Variants in UBE2D1 observed in about 807,000 individuals in gnomAD.
UBE2D1 encodes the protein ubiquitin-conjugating enzyme E2 D1.
In UBE2D1, 9 loss-of-function variants were observed where a neutral mutation model predicts 24.6. The ratio of observed to expected loss-of-function variants is 0.37; its 90% CI spans 0.22 to 0.64. The LOEUF (loss-of-function observed/expected upper bound fraction) is 0.64. Ranked by LOEUF, UBE2D1 falls within the 30% of genes least tolerant of loss-of-function variation. The pLI is 0.64. For missense variants in UBE2D1, 87 were observed against 177.1 expected, an observed-to-expected ratio of 0.49 and a Z score of 2.89; for synonymous variants, 57 against 57.6, an observed-to-expected ratio of 0.99 and a Z score of 0.04.
chr10:58,352,503 CT>C (rs1231864031), intron 1 of UBE2D1, among the ~76,000 whole-genome samples: 2 of 149,356 alleles, frequency 1.3e-5, no homozygotes, highest in Non-Finnish European at 3.0e-5. Flanking sequence ...ATCCCAACCA[CT>C]TGGGGAGGGT....
intron 1 of UBE2D1, among the ~76,000 whole-genome samples, chr10:58,355,892 C>G (rs963251090): frequency 2.6e-5 from 4 of 152,048 alleles, no homozygotes; most frequent in Non-Finnish European, 4.4e-5. Context: ...GTTACAAGAT[C>G]CAATCTGGGA....
intron 5 of UBE2D1, among the ~76,000 whole-genome samples, chr10:58,366,471 C>T (rs1291608143): frequency 2.0e-5 from 3 of 152,106 alleles, no homozygotes; most frequent in African/African-American, 7.2e-5. Flanking sequence ...GCAAATGGCT[C>T]CTGGCAGTAG....
intron 3 of UBE2D1, 77 bp from the exon 4 acceptor site, chr10:58,363,532 A>G (rs1337355640): frequency 9.7e-7 from 1 of 1,027,626 alleles, no homozygotes; most frequent in African/African-American, 1.7e-5. Flanking sequence ...CAAACTGATA[A>G]TATTTGGGGG....
At chr10:58,361,471 C>G (rs1840197614) in intron 2 of UBE2D1, 24 bp from the exon 3 acceptor site, 1 of 1,614,000 alleles carries the variant, frequency 6.2e-7, no homozygotes, top group South Asian at 1.1e-5. Context: ...GTTAATGACT[C>G]CAAAACTCCT....
At position 58,368,843 on chromosome 10, in the gene UBE2D1, T is replaced by A. The variant is rs1046997984; in HGVS notation, c.*78T>A. 1.1e-6 allele frequency: 1 copy of A among 917,932 alleles called. No homozygotes were observed. Among genetic ancestry groups the A allele is most frequent in the East Asian group, 2.7e-5 (1 of 36,558 alleles). 56.9% of individuals were successfully genotyped at this position (917,932 alleles called of 1,614,324 possible). ...TCAACATTAGCAGTAAATTGAGCAC[T>A]GTTTACTGTTTCATTGTACCATGAA... On this transcript the variant is annotated 3_prime_UTR_variant, in exon 7 of 7. Coordinates refer to ENST00000373910, the MANE Select transcript of UBE2D1 (RefSeq NM_003338.5).
chr10:58,354,610 G>A (rs1324558169), intron 1 of UBE2D1, among the ~76,000 whole-genome samples: 1 of 152,054 alleles, frequency 6.6e-6, no homozygotes, highest in Admixed American at 6.6e-5. Context: ...CAGCACTTTG[G>A]GAAGCTGAGG....
At chr10:58,359,013 T>TG (rs1554830256) in intron 1 of UBE2D1, among the ~76,000 whole-genome samples, 1 of 115,168 alleles carries the variant, frequency 8.7e-6, no homozygotes, top group African/African-American at 3.4e-5. Context: ...ACCAGCTATT[T>TG]AAAAAAAAAA....
At chr10:58,360,036 A>T (rs560440267) in intron 1 of UBE2D1, among the ~76,000 whole-genome samples, 2 of 152,110 alleles carry the variant, frequency 1.3e-5, no homozygotes, top group Non-Finnish European at 2.9e-5. Flanking sequence ...AAATCAGAAC[A>T]TGCCACTTCT....
Position 58,361,350 on chromosome 10 carries a change from C to T in UBE2D1, c.37C>T (p.Leu13=), listed in dbSNP as rs1278461257. 1.9e-6 allele frequency: 3 copies of T among 1,614,162 alleles called. No homozygotes were observed. Among genetic ancestry groups the T allele is most frequent in the Admixed American group, 1.7e-5 (1 of 60,018 alleles). The change falls in exon 2 of 7, where the codon CTA becomes TTA. Residue 13 remains leucine (L), a synonymous_variant. Transcript: ENST00000373910. ...TGATTTCCTTCAGGAATTGAGTGATCTACAGCGCGATCCACCTGCTCACTG... is the reference window on the plus strand; with the variant it reads ...TGATTTCCTTCAGGAATTGAGTGATTTACAGCGCGATCCACCTGCTCACTG... ...LKRIQKELSD[L]QRDPPAHCSA...
At chr10:58,352,913 T>G (rs1840092705) in intron 1 of UBE2D1, among the ~76,000 whole-genome samples, 1 of 152,188 alleles carries the variant, frequency 6.6e-6, no homozygotes, top group African/African-American at 2.4e-5. Context: ...CTTTCCAGGG[T>G]TCCCTGCAGT....
At chr10:58,348,969 C>T (rs1564559110) in intron 1 of UBE2D1, among the ~76,000 whole-genome samples, 2 of 152,142 alleles carry the variant, frequency 1.3e-5, no homozygotes, top group African/African-American at 4.8e-5. Context: ...GGAGAACACT[C>T]AGCATATTGT....
Position 58,335,180 on chromosome 10 carries a change from TC to T in UBE2D1, c.-18del. On this transcript the variant is annotated 5_prime_UTR_variant, in exon 1 of 7. Coordinates refer to ENST00000373910, the MANE Select transcript of UBE2D1 (RefSeq NM_003338.5). Reference sequence around the variant, plus strand: ...CGCAGCCGACCCCTGCCGGCCGGTGTCCCCACCGCCATCCCTGACCCATGGC... The same window carrying T: ...CGCAGCCGACCCCTGCCGGCCGGTGTCCCACCGCCATCCCTGACCCATGGC... 1 of 1,545,670 alleles carries T rather than the reference TC, an allele frequency of 6.5e-7. No homozygotes were observed. The highest frequency in any genetic ancestry group is 2.5e-5 in the East Asian group (1 of 40,132).
intron 1 of UBE2D1, among the ~76,000 whole-genome samples, chr10:58,337,991 C>T (rs1454787228): frequency 2.0e-5 from 3 of 151,962 alleles, no homozygotes; most frequent in Admixed American, 1.3e-4. Context: ...GGACTACAGG[C>T]GCATGCTGCC....
At chr10:58,345,673 G>A (rs565472405) in intron 1 of UBE2D1, among the ~76,000 whole-genome samples, 23 of 152,114 alleles carry the variant, frequency 1.5e-4, no homozygotes, top group Non-Finnish European at 3.1e-4. Flanking sequence ...TATTTAAACA[G>A]GAAGGGAGTC....
chr10:58,335,257 G>A, intron 1 of UBE2D1, 32 bp downstream of exon 1: 1 of 1,513,066 alleles, frequency 6.6e-7, no homozygotes, highest in Non-Finnish European at 8.8e-7. Flanking sequence ...GGGGCTGCGG[G>A]GCAGCGGCCC....
At chr10:58,356,272 G>A (rs1395863398) in intron 1 of UBE2D1, among the ~76,000 whole-genome samples, 2 of 152,010 alleles carry the variant, frequency 1.3e-5, no homozygotes, top group East Asian at 3.9e-4. Flanking sequence ...AATTTGTTGT[G>A]TATCCTTTTA....
At chr10:58,364,010 A>G (rs1589003982) in intron 4 of UBE2D1, among the ~76,000 whole-genome samples, 1 of 151,542 alleles carries the variant, frequency 6.6e-6, no homozygotes, top group African/African-American at 2.4e-5. Flanking sequence ...TATCCTTACA[A>G]AGTTGATCAT....
At chr10:58,353,359 G>A (rs1382655553) in intron 1 of UBE2D1, among the ~76,000 whole-genome samples, 3 of 152,200 alleles carry the variant, frequency 2.0e-5, no homozygotes, top group South Asian at 2.1e-4. Context: ...CTCTGTCCAC[G>A]CCACAGACTG....
At chr10:58,348,750 A>T (rs1564559071) in intron 1 of UBE2D1, among the ~76,000 whole-genome samples, 1 of 152,222 alleles carries the variant, frequency 6.6e-6, no homozygotes, top group Non-Finnish European at 1.5e-5. Flanking sequence ...TATGGTAAAT[A>T]TGGCAGTTCT....
Sources: allele counts gnomAD v4.1 joint callset (sites outside exome capture counted in the v4.1 genomes callset), GRCh38; gene constraint gnomAD v4.1.1; transcripts MANE v1.5; gene names NCBI Gene and HGNC (gene_info 2026-07-23, HGNC 2026-07-21).